FOXP1: variants seen among roughly 807,000 people sequenced by gnomAD.
FOXP1 encodes forkhead box protein P1.
FOXP1 carries 15 observed loss-of-function variants against 98.2 expected under a neutral mutation model. That is an observed-to-expected ratio of 0.15 (90% CI 0.10 to 0.24). The LOEUF is 0.24. FOXP1 is among the 10% of genes least tolerant of loss of function. FOXP1 has a pLI of 1.00. For synonymous variants in FOXP1, 371 were observed against 314.5 expected (o/e 1.18, Z -1.90); for missense variants, 633 against 848.5 (o/e 0.75, Z 3.15).
intron 5 of FOXP1, among the ~76,000 whole-genome samples, chr3:71,229,290 C>G (rs1446935333): frequency 6.6e-6 from 1 of 152,110 alleles, no homozygotes; most frequent in Non-Finnish European, 1.5e-5. Context: ...AAGTACTGAG[C>G]ATGTTTCAAA....
intron 12 of FOXP1, among the ~76,000 whole-genome samples, chr3:71,013,757 A>G (rs958539865): frequency 1.3e-5 from 2 of 152,206 alleles, no homozygotes; most frequent in Non-Finnish European, 2.9e-5. Context: ...CTATACTACA[A>G]GGCTACAGTA....
intron 3 of FOXP1, among the ~76,000 whole-genome samples, chr3:71,453,118 C>T (rs537763308): frequency 4.6e-5 from 7 of 152,272 alleles, no homozygotes; most frequent in African/African-American, 1.4e-4. Context: ...CAGCTTACCT[C>T]GCATTACTTC....
intron 3 of FOXP1, among the ~76,000 whole-genome samples, chr3:71,392,723 A>C (rs2081121143): frequency 6.6e-6 from 1 of 152,222 alleles, no homozygotes. Context: ...ATTGCAATGC[A>C]CTTGGCCTAG....
chr3:71,382,486 G>T (rs533159082), intron 3 of FOXP1, among the ~76,000 whole-genome samples: 1 of 152,116 alleles, frequency 6.6e-6, no homozygotes, highest in Non-Finnish European at 1.5e-5. Context: ...CATCTCCCTG[G>T]CCACAGGGAG....
At chr3:71,277,245 A>G (rs960378344) in intron 5 of FOXP1, among the ~76,000 whole-genome samples, 2 of 146,138 alleles carry the variant, frequency 1.4e-5, no homozygotes, top group Non-Finnish European at 3.0e-5. Context: ...GGCATGAGCC[A>G]CCGCACCTGG....
At chr3:71,293,683 A>AT (rs1308881575) in intron 5 of FOXP1, among the ~76,000 whole-genome samples, 1 of 151,998 alleles carries the variant, frequency 6.6e-6, no homozygotes. Flanking sequence ...TATTTAAGAA[A>AT]TTTTTTTTCT....
At chr3:71,055,444 A>C (rs1157850892) in intron 7 of FOXP1, among the ~76,000 whole-genome samples, 2 of 152,102 alleles carry the variant, frequency 1.3e-5, no homozygotes, top group Admixed American at 1.3e-4. Context: ...CTGTAATTTA[A>C]AACAGATGGG....
intron 11 of FOXP1, among the ~76,000 whole-genome samples, chr3:71,031,876 A>G (rs998477347): frequency 6.6e-6 from 1 of 152,226 alleles, no homozygotes; most frequent in African/African-American, 2.4e-5. Flanking sequence ...GTCCATGTGG[A>G]TGTGTGTTTT....
chr3:71,023,486 C>G lies in FOXP1; in HGVS notation c.870-7833G>C, dbSNP rs140743913. ...TAAAGAGTGTCTTAAGCTACACTTACGCTACAATGGCAGGCATCGATGGAA... is the reference window on the plus strand; with the variant it reads ...TAAAGAGTGTCTTAAGCTACACTTAGGCTACAATGGCAGGCATCGATGGAA... On this transcript the variant is annotated intron_variant, in intron 11 of 20. Transcript: ENST00000649528. 3.3e-5 allele frequency among the ~76,000 whole-genome samples: 5 copies of G among 152,302 alleles called. No individual in the cohort carries two copies. In the East Asian group the frequency reaches 9.6e-4, roughly 29 times the overall value.
chr3:71,207,275 T>A (rs1265197495), intron 5 of FOXP1, among the ~76,000 whole-genome samples: 1 of 151,732 alleles, frequency 6.6e-6, no homozygotes, highest in South Asian at 2.1e-4. Flanking sequence ...CTATATTTTC[T>A]ATCATTTAAT....
At position 70,967,697 on chromosome 3, in the gene FOXP1, T is replaced by G. The variant is rs571861509; in HGVS notation, c.1723-1641A>C. 2.2e-4 allele frequency among the ~76,000 whole-genome samples: 23 copies of G among 104,526 alleles called. No individual in the cohort carries two copies. The South Asian group carries it at 5.7e-3, about 26-fold the overall frequency. 68.6% of individuals were successfully genotyped at this position (104,526 alleles called of 152,430 possible). Reference sequence around the variant, plus strand: ...GAACTACTATTATTTGTTTTTTTTTTTTGTTTTTTTTTGTTTTTTTTTTTT... The same window carrying G: ...GAACTACTATTATTTGTTTTTTTTTGTTGTTTTTTTTTGTTTTTTTTTTTT... On this transcript the variant is annotated intron_variant, in intron 19 of 20. Coordinates refer to ENST00000649528, the MANE Select transcript of FOXP1 (RefSeq NM_001349338.3).
At chr3:71,171,754 G>A (rs958042100) in intron 6 of FOXP1, among the ~76,000 whole-genome samples, 2 of 152,276 alleles carry the variant, frequency 1.3e-5, no homozygotes, top group African/African-American at 2.4e-5. Context: ...ATGTAACAAC[G>A]TGAAAAGTTG....
At chr3:71,366,939 G>T (rs1459139197) in intron 3 of FOXP1, among the ~76,000 whole-genome samples, 5 of 152,102 alleles carry the variant, frequency 3.3e-5, no homozygotes, top group Admixed American at 2.6e-4. Context: ...GCGGATTATG[G>T]CTGTAAATAA....
chr3:71,554,101 C>G (rs187522948), intron 2 of FOXP1, among the ~76,000 whole-genome samples: 30 of 152,250 alleles, frequency 2.0e-4, no homozygotes, highest in Non-Finnish European at 4.3e-4. Flanking sequence ...TAATCCCAAC[C>G]TTTTGGGAGT....
intron 2 of FOXP1, among the ~76,000 whole-genome samples, chr3:71,563,695 G>A (rs560588318): frequency 3.7e-4 from 57 of 152,306 alleles, no homozygotes; most frequent in African/African-American, 1.3e-3. Context: ...AGGAGACTTT[G>A]TAACTCTATA....
chr3:71,314,530 A>ATATAT (rs1553839965), intron 4 of FOXP1, among the ~76,000 whole-genome samples: 18,697 of 142,822 alleles, frequency 0.13, 1,313 homozygotes, highest in Non-Finnish European at 0.16. Context: ...CCGTCTAAAA[A>ATATAT]ATATATATAT....
chr3:71,290,348 G>A (rs2072614249), intron 5 of FOXP1, among the ~76,000 whole-genome samples: 1 of 152,194 alleles, frequency 6.6e-6, no homozygotes, highest in Admixed American at 6.5e-5. Flanking sequence ...CTTCTGTGAT[G>A]CAACTTTTTC....
chr3:71,303,708 A>C (rs2074040966), intron 4 of FOXP1, among the ~76,000 whole-genome samples: 1 of 152,124 alleles, frequency 6.6e-6, no homozygotes, highest in Admixed American at 6.5e-5. Context: ...TGCCCTTAAG[A>C]CTTCAAATAC....
intron 3 of FOXP1, among the ~76,000 whole-genome samples, chr3:71,364,879 G>A (rs1035918395): frequency 6.6e-6 from 1 of 152,174 alleles, no homozygotes; most frequent in African/African-American, 2.4e-5. Flanking sequence ...TCCTTAACGT[G>A]ATAGCTGTGT....
Sources: gnomAD v4.1 joint callset for allele counts (sites outside exome capture counted in the v4.1 genomes callset) on GRCh38, gnomAD v4.1.1 for gene constraint, MANE v1.5 for transcripts, NCBI Gene and HGNC (gene_info 2026-07-23, HGNC 2026-07-21) for gene names.